The following ACOT1 variants were observed in gnomAD, a reference collection of about 807,000 sequenced individuals.
ACOT1 encodes acyl-coenzyme A thioesterase 1.
In ACOT1, 8 loss-of-function variants were observed where a neutral mutation model predicts 15.7. The observed-to-expected ratio is 0.51, with a 90% CI of 0.30 to 0.92. The LOEUF (loss-of-function observed/expected upper bound fraction) is 0.92, where lower values mean the gene tolerates loss of function less well. Among genes scored for constraint, ACOT1 ranks in the 40% least tolerant of loss-of-function variants. The probability of loss-of-function intolerance (pLI) is 0.06; values close to 1 mark genes in which losing one functional copy is unlikely to be tolerated. For missense variants in ACOT1, 151 were observed against 539.4 expected (o/e 0.28, Z 7.13); for synonymous variants, 67 against 241.2 (o/e 0.28, Z 6.69).
chr14:73,531,112 TTCAG>T, the ACOT1 span: 1 of 111,658 alleles, frequency 9.0e-6, no homozygotes, highest in Non-Finnish European at 1.9e-5. Context: ...TCCAGCACCT[TTCAG>T]ATACTGGCAA....
the ACOT1 span, chr14:73,519,898 C>G: frequency 6.6e-6 from 1 of 152,080 alleles, no homozygotes; most frequent in Non-Finnish European, 1.5e-5. Context: ...CGCCTATAAT[C>G]CCAGCTATTT....
the ACOT1 span, among the ~76,000 whole-genome samples, chr14:73,500,219 G>C: frequency 6.6e-6 from 1 of 151,796 alleles, no homozygotes; most frequent in African/African-American, 2.4e-5. Context: ...CACAGAGCGA[G>C]ACTCCGTCTC....
chr14:73,523,641 C>T, the ACOT1 span, among the ~76,000 whole-genome samples: 1 of 152,154 alleles, frequency 6.6e-6, no homozygotes, highest in Non-Finnish European at 1.5e-5. Flanking sequence ...TGAGCCAGTC[C>T]AGTCTCCTGG....
the ACOT1 span, among the ~76,000 whole-genome samples, chr14:73,529,810 A>G: frequency 1.1e-3 from 164 of 151,814 alleles, no homozygotes; most frequent in Non-Finnish European, 2.1e-3. Flanking sequence ...AGAAAAGACT[A>G]AAAAGCAATA....
At chr14:73,506,802 C>CTTTTTTTTTTTTTTTTT in the ACOT1 span, among the ~76,000 whole-genome samples, 1 of 58,026 alleles carries the variant, frequency 1.7e-5, no homozygotes, top group East Asian at 9.2e-4. Context: ...CTGACTTTAA[C>CTTTTTTTTTTTTTTTTT]TGTTTTTTTT....
At chr14:73,519,220 C>T in the ACOT1 span, 2 of 1,541,870 alleles carry the variant, frequency 1.3e-6, no homozygotes, top group Non-Finnish European at 1.8e-6. Context: ...TCCTTTCTCC[C>T]TGGGTTCCTA....
the ACOT1 span, chr14:73,503,103 C>A: frequency 2.0e-6 from 2 of 983,434 alleles, no homozygotes; most frequent in South Asian, 2.7e-5. Context: ...TTTTTTTACT[C>A]ATCACTGTAC....
upstream of ACOT1, among the ~76,000 whole-genome samples, chr14:73,532,985 G>T (rs148849666): frequency 2.5e-3 from 283 of 113,076 alleles, 79 homozygotes; most frequent in Non-Finnish European, 4.0e-3. Flanking sequence ...AAAAAGAAAA[G>T]AAAAGTAAAG....
chr14:73,513,454 C>T, the ACOT1 span, among the ~76,000 whole-genome samples: 1 of 136,436 alleles, frequency 7.3e-6, no homozygotes, highest in Non-Finnish European at 1.5e-5. Flanking sequence ...GAGTGAAATT[C>T]CATCTCAGAA....
the ACOT1 span, chr14:73,508,364 T>C: frequency 7.0e-6 from 10 of 1,437,936 alleles, no homozygotes; most frequent in Admixed American, 1.8e-5. Context: ...GCCTTTGGAT[T>C]GATACCCAAG....
At chr14:73,492,792 C>T in the ACOT1 span, 1 of 1,613,978 alleles carries the variant, frequency 6.2e-7, no homozygotes, top group Middle Eastern at 1.6e-4. This position sits in a 1 kb window ranked among gnomAD's most constrained non-coding sequence, Gnocchi z 4.9. Flanking sequence ...CCCCAGCAAG[C>T]TGATGCCATG....
At chr14:73,524,293 C>CAA in the ACOT1 span, among the ~76,000 whole-genome samples, 29 of 56,646 alleles carry the variant, frequency 5.1e-4, no homozygotes, top group African/African-American at 1.0e-3. Context: ...AACTCCGTCT[C>CAA]AAAAAAAAAA....
chr14:73,491,046 CGTT>C, the ACOT1 span: 1 of 1,586,916 alleles, frequency 6.3e-7, no homozygotes, highest in African/African-American at 1.4e-5. Context: ...AGTGCAGGGC[CGTT>C]GAGGCGCGGG....
the ACOT1 span, chr14:73,500,559 G>T: frequency 6.2e-7 from 1 of 1,612,644 alleles, no homozygotes; most frequent in Non-Finnish European, 8.5e-7. Flanking sequence ...CCATCTTGTC[G>T]CGGATCTGCA....
the ACOT1 span, chr14:73,512,164 G>A: frequency 6.2e-7 from 1 of 1,613,888 alleles, no homozygotes; most frequent in Non-Finnish European, 8.5e-7. Context: ...GCCGCAGTGA[G>A]GGAAATGAAA....
In ACOT1 at chr14:73,541,851, C is replaced by CT. The variant is rs1163236047; in HGVS notation, c.660+158dup. On this transcript the variant is annotated intron_variant, in intron 2 of 2. Coordinates refer to ENST00000311148, the MANE Select transcript of ACOT1 (RefSeq NM_001037161.2). ...CTTCTTATAGACAGTTTCTTTCTTT[C>CT]TTCTTCTTCTTCTTTCTTTTTTTGA... is the stretch of plus-strand genomic sequence containing the variant. 3.5e-5 allele frequency among the ~76,000 whole-genome samples: 4 copies of CT among 113,552 alleles called. 1 individual carries two copies. The highest frequency in any genetic ancestry group is 1.2e-4 in the African/African-American group (4 of 33,952). The allele number at this position is 113,552 out of a possible 152,430, so 74.5% of individuals were successfully genotyped here. A position where few individuals can be genotyped will look rare whatever the true frequency, so the allele number is the denominator to read the frequency against.
chr14:73,528,260 T>C, the ACOT1 span, among the ~76,000 whole-genome samples: 4 of 151,704 alleles, frequency 2.6e-5, no homozygotes, highest in Admixed American at 1.3e-4. Flanking sequence ...GCGGGTGTGG[T>C]GGTGGGCATC....
At position 73,543,091 on chromosome 14, in the gene ACOT1, G is replaced by T; in HGVS notation, c.702G>T (p.Gly234=). 1 of 1,578,840 alleles carries T rather than the reference G, an allele frequency of 6.3e-7. No homozygotes were observed. Among genetic ancestry groups the T allele is most frequent in the Non-Finnish European group, 8.6e-7 (1 of 1,160,292 alleles). Residue 234 remains glycine, a synonymous_variant, in exon 3 of 3, where the codon GGG becomes GGT. Transcript: ENST00000311148. ...TTGGGCTGCTTGGAATTTCCAAAGG[G>T]GGTGAGCTCTGCCTTTCCATGGCCT... ...PGVGLLGISK[G]GELCLSMASF...
chr14:73,534,160 T>C (rs1888792352), upstream of ACOT1, among the ~76,000 whole-genome samples: 2 of 111,750 alleles, frequency 1.8e-5, 1 homozygote, highest in Admixed American at 2.0e-4. Flanking sequence ...GCAGGCAGAT[T>C]ACAAGGTCAG....
Sources: allele counts gnomAD v4.1 joint callset (sites outside exome capture counted in the v4.1 genomes callset), GRCh38; gene constraint gnomAD v4.1.1; non-coding constraint Gnocchi (gnomAD v3.1); transcripts MANE v1.5; gene names NCBI Gene and HGNC (gene_info 2026-07-23, HGNC 2026-07-21).